CDK14: variants seen among roughly 807,000 people sequenced by gnomAD.
CDK14 encodes the protein cyclin dependent kinase 14, also known as cyclin-dependent kinase 14.
A neutral mutation model predicts 60.7 loss-of-function variants in CDK14; 34 were observed. The ratio of observed to expected loss-of-function variants is 0.56; its 90% CI spans 0.43 to 0.75. The LOEUF is 0.75. Ranked by LOEUF, CDK14 falls within the 30% of genes least tolerant of loss-of-function variation. CDK14 has a pLI of 0.00. For synonymous variants in CDK14, 197 were observed against 203.7 expected (o/e 0.97, Z 0.28); for missense variants, 482 against 564.1 (o/e 0.85, Z 1.47).
chr7:91,091,789 A>C (rs1798840230), intron 12 of CDK14, among the ~76,000 whole-genome samples: 1 of 122,130 alleles, frequency 8.2e-6, no homozygotes, highest in Non-Finnish European at 1.8e-5. Context: ...GCTCCCAAGT[A>C]ATCAGATGAG....
chr7:90,698,739 C>G (rs1475878573), intron 2 of CDK14, among the ~76,000 whole-genome samples: 1 of 152,136 alleles, frequency 6.6e-6, no homozygotes, highest in Admixed American at 6.5e-5. Flanking sequence ...GATGAGTGTT[C>G]CCCTCTTCTA....
At chr7:91,150,667 A>G (rs1211918294) in intron 14 of CDK14, among the ~76,000 whole-genome samples, 1 of 152,206 alleles carries the variant, frequency 6.6e-6, no homozygotes, top group Non-Finnish European at 1.5e-5. Flanking sequence ...GGTTCTGAAG[A>G]GAAACACAAA....
At chr7:91,083,115 T>C (rs905002668) in intron 12 of CDK14, among the ~76,000 whole-genome samples, 8 of 152,210 alleles carry the variant, frequency 5.3e-5, no homozygotes, top group Admixed American at 2.0e-4. Flanking sequence ...CTTTTTTTTT[T>C]CATTGTTGAT....
intron 11 of CDK14, among the ~76,000 whole-genome samples, chr7:91,072,179 T>C (rs961553378): frequency 6.6e-6 from 1 of 152,156 alleles, no homozygotes; most frequent in Non-Finnish European, 1.5e-5. Flanking sequence ...AAGTGCTTCA[T>C]TAAATGGGTC....
At chr7:91,067,617 A>G (rs1798019151) in intron 11 of CDK14, among the ~76,000 whole-genome samples, 2 of 152,242 alleles carry the variant, frequency 1.3e-5, no homozygotes, top group Non-Finnish European at 2.9e-5. Context: ...TGCCCAATGT[A>G]GCACCTGGCA....
intron 5 of CDK14, among the ~76,000 whole-genome samples, chr7:90,808,364 TA>T (rs1788945344): frequency 6.6e-6 from 1 of 152,122 alleles, no homozygotes; most frequent in African/African-American, 2.4e-5. Flanking sequence ...CCAGACAAAC[TA>T]AGCTTCATAA....
intron 8 of CDK14, among the ~76,000 whole-genome samples, chr7:90,951,244 TTAAC>T (rs1247602587): frequency 4.6e-5 from 7 of 152,174 alleles, no homozygotes; most frequent in Non-Finnish European, 7.4e-5. Context: ...GATTTTGTGA[TTAAC>T]TAAGAGCAAG....
chr7:91,089,570 G>GAAA (rs60356035), intron 12 of CDK14, among the ~76,000 whole-genome samples: 1 of 139,652 alleles, frequency 7.2e-6, no homozygotes. Flanking sequence ...GCTCTGAGGG[G>GAAA]AAAAAAAAAA....
intron 5 of CDK14, among the ~76,000 whole-genome samples, chr7:90,822,329 GA>G (rs1789579416): frequency 6.6e-6 from 1 of 152,198 alleles, no homozygotes. Flanking sequence ...GAACTTCCCT[GA>G]AAGAATTTCA....
chr7:90,611,238 C>G (rs1799532672), intron 2 of CDK14, among the ~76,000 whole-genome samples: 1 of 152,156 alleles, frequency 6.6e-6, no homozygotes, highest in Non-Finnish European at 1.5e-5. Flanking sequence ...TAACTTCAGC[C>G]TTCTGTCCTC....
At chr7:91,049,275 A>C (rs1797325356) in intron 11 of CDK14, among the ~76,000 whole-genome samples, 1 of 152,210 alleles carries the variant, frequency 6.6e-6, no homozygotes, top group Non-Finnish European at 1.5e-5. Flanking sequence ...TTTTTAAGCA[A>C]TTTTGAAAAT....
intron 2 of CDK14, among the ~76,000 whole-genome samples, chr7:90,712,514 A>C (rs949487728): frequency 2.1e-4 from 32 of 152,110 alleles, no homozygotes; most frequent in African/African-American, 7.5e-4. Context: ...TATATGGGAT[A>C]GACAGCAGTT....
intron 10 of CDK14, among the ~76,000 whole-genome samples, chr7:90,996,864 ATTC>A (rs927987875): frequency 6.6e-6 from 1 of 152,190 alleles, no homozygotes; most frequent in Admixed American, 6.5e-5. Flanking sequence ...GTGGGCATAT[ATTC>A]TTCTCCAGGA....
chr7:91,181,342 A>G (rs1211423403), intron 14 of CDK14, among the ~76,000 whole-genome samples: 2 of 152,072 alleles, frequency 1.3e-5, no homozygotes, highest in Non-Finnish European at 2.9e-5. Context: ...GTCCTTTAAC[A>G]TGTTCCTCTC....
At position 91,169,513 on chromosome 7, in the gene CDK14, A is replaced by C. The variant is rs542689486; in HGVS notation, c.*29-37652A>C. ...CAGTAGGGACATTTTACAGCTGAAGATCTAAAGCACCCCAAAGCGGGCCAA... is the reference window on the plus strand; with the variant it reads ...CAGTAGGGACATTTTACAGCTGAAGCTCTAAAGCACCCCAAAGCGGGCCAA... On this transcript the variant is annotated intron_variant, in intron 14 of 14. Transcript: ENST00000380050. Among the ~76,000 whole-genome samples, 7 of 150,094 alleles carry C rather than the reference A, an allele frequency of 4.7e-5. No individual in the cohort carries two copies. The South Asian group carries it at 1.5e-3, about 31-fold the overall frequency.
At chr7:90,824,424 C>T (rs1789652149) in intron 5 of CDK14, among the ~76,000 whole-genome samples, 1 of 152,164 alleles carries the variant, frequency 6.6e-6, no homozygotes. Flanking sequence ...GTTTGTAGGG[C>T]ATAGTACCGA....
At position 90,811,016 on chromosome 7, in the gene CDK14, A is replaced by G. The variant is rs527343507; in HGVS notation, c.544+20364A>G. Among the ~76,000 whole-genome samples, 13 of 152,360 alleles carry G rather than the reference A, an allele frequency of 8.5e-5. No individual in the cohort carries two copies. In the South Asian group the frequency reaches 2.5e-3, roughly 29 times the overall value. On this transcript the variant is annotated intron_variant, in intron 5 of 14. Transcript: ENST00000380050. ...TCCCTGCTCATGGATAGGAAGAATC[A>G]ATATCGTGAGAATGGCCATACTGCC...
rs556501607 is a variant in CDK14 at position 90,763,787 on chromosome 7, A to T, written c.464+16012A>T. Among the ~76,000 whole-genome samples the T allele has an allele frequency of 4.6e-5, 7 of 152,254 alleles. No individual in the cohort carries two copies. The South Asian group carries it at 1.5e-3, about 32-fold the overall frequency. On this transcript the variant is annotated intron_variant, in intron 4 of 14. Coordinates refer to ENST00000380050, the MANE Select transcript of CDK14 (RefSeq NM_001287135.2). ...TATGTAACAAACCTGCATGTTGTGC[A>T]CATGTACCTTAGAACTTAAAGTATA...
chr7:90,963,737 A>G (rs576368543), intron 9 of CDK14, among the ~76,000 whole-genome samples: 2 of 105,448 alleles, frequency 1.9e-5, no homozygotes, highest in Admixed American at 1.4e-4. Context: ...TTTTTTTGAG[A>G]CGGAGTCTTA....
Sources: gnomAD v4.1 joint callset for allele counts (sites outside exome capture counted in the v4.1 genomes callset) on GRCh38, gnomAD v4.1.1 for gene constraint, MANE v1.5 for transcripts, NCBI Gene and HGNC (gene_info 2026-07-23, HGNC 2026-07-21) for gene names.